The following ERICH6 variants were observed in gnomAD, a reference collection of about 807,000 sequenced individuals.
The protein encoded by ERICH6 is glutamate rich 6.
A neutral mutation model predicts 71.0 loss-of-function variants in ERICH6; 71 were observed. That is an observed-to-expected ratio of 1.00 (90% CI 0.83 to 1.22). The LOEUF (loss-of-function observed/expected upper bound fraction) is 1.22, where lower values mean the gene tolerates loss of function less well. Among genes scored for constraint, ERICH6 ranks in the 50% most tolerant of loss-of-function variants. The pLI is 0.00. For synonymous variants in ERICH6, 262 were observed against 278.4 expected, an observed-to-expected ratio of 0.94 and a Z score of 0.59; for missense variants, 808 against 797.2, an observed-to-expected ratio of 1.01 and a Z score of -0.16.
At chr3:150,675,130 CA>C (rs919995888) in intron 10 of ERICH6, among the ~76,000 whole-genome samples, 3 of 151,472 alleles carry the variant, frequency 2.0e-5, no homozygotes, top group African/African-American at 7.3e-5. Flanking sequence ...AAGACTGTCT[CA>C]AAAAAAATAA....
At chr3:150,690,855 C>T (rs1712405907) in intron 3 of ERICH6, among the ~76,000 whole-genome samples, 1 of 152,148 alleles carries the variant, frequency 6.6e-6, no homozygotes, top group African/African-American at 2.4e-5. Flanking sequence ...ATAGGTAAGA[C>T]ATTGATATTG....
rs1464397892 is a variant in ERICH6, at chr3:150,677,566, G to A, written c.1257+843C>T. Among the ~76,000 whole-genome samples the A allele has an allele frequency of 5.9e-5, 9 of 151,580 alleles. No individual in the cohort carries two copies. In the South Asian group the frequency reaches 1.3e-3, roughly 21 times the overall value. On this transcript the variant is annotated intron_variant, in intron 10 of 13. Coordinates refer to ENST00000295910, the MANE Select transcript of ERICH6 (RefSeq NM_152394.5). Reference sequence around the variant, plus strand: ...GGCTGGAGTGCAGTGGCACAATCTCGGTTCACTGCAACCTCCACCCCCAGG... The same window carrying A: ...GGCTGGAGTGCAGTGGCACAATCTCAGTTCACTGCAACCTCCACCCCCAGG...
chr3:150,672,183 T>C (rs1203335460), intron 11 of ERICH6, among the ~76,000 whole-genome samples: 2 of 151,186 alleles, frequency 1.3e-5, no homozygotes, highest in East Asian at 3.9e-4. Flanking sequence ...TTGCATATCA[T>C]ATATTTATAA....
intron 4 of ERICH6, 39 bp downstream of exon 4, chr3:150,686,259 T>G: frequency 1.2e-6 from 2 of 1,605,576 alleles, no homozygotes; most frequent in Non-Finnish European, 1.7e-6. Context: ...GTAGTTTACC[T>G]TTGCCAGCAA....
intron 6 of ERICH6, among the ~76,000 whole-genome samples, chr3:150,684,901 G>T (rs1198711228): frequency 6.6e-6 from 1 of 151,936 alleles, no homozygotes; most frequent in African/African-American, 2.4e-5. Context: ...AGCTACTTGG[G>T]AGACAGAGGT....
At chr3:150,686,388 A>G in intron 3 of ERICH6, 34 bp from the exon 4 acceptor site, 1 of 1,592,174 alleles carries the variant, frequency 6.3e-7, no homozygotes, top group Non-Finnish European at 8.6e-7. Flanking sequence ...CATCAATCTG[A>G]CAAAGTAGAA....
intron 10 of ERICH6, 36 bp downstream of exon 10, chr3:150,678,373 T>TTAAAA (rs2108054829): frequency 1.3e-6 from 2 of 1,530,368 alleles, no homozygotes; most frequent in East Asian, 4.7e-5. Flanking sequence ...CTGGTTTTTT[T>TTAAAA]TAAAATAGCA....
Position 150,698,833 on chromosome 3 carries a change from C to A in ERICH6, c.511G>T (p.Glu171Ter). The part of the protein sequence containing the change: ...SPGIPVSVQT[E>*]ESWLQDLSDK... ...GACAAATCTTGGAGCCAACTTTCTT[C>A]TGTTTGTACTGATACTGGAATTCCT... Residue 171 changes from glutamate (E) to a stop codon, truncating the protein, a stop_gained, in exon 3 of 14, where the codon GAA becomes TAA. Coordinates refer to ENST00000295910, the MANE Select transcript of ERICH6 (RefSeq NM_152394.5). LOFTEE classifies it high-confidence loss of function. The A allele has an allele frequency of 6.2e-7, 1 of 1,614,012 alleles. No individual in the cohort carries two copies. Among genetic ancestry groups the A allele is most frequent in the Non-Finnish European group, 8.5e-7 (1 of 1,179,978 alleles).
At chr3:150,697,729 TG>T (rs1712705159) in intron 3 of ERICH6, among the ~76,000 whole-genome samples, 1 of 152,254 alleles carries the variant, frequency 6.6e-6, no homozygotes, top group African/African-American at 2.4e-5. Flanking sequence ...GCTCAATCTC[TG>T]GGCTCTTGCC....
intron 13 of ERICH6, among the ~76,000 whole-genome samples, chr3:150,661,071 T>C (rs6773558): frequency 0.42 from 63,497 of 152,068 alleles, 14,137 homozygotes; most frequent in African/African-American, 0.59. Context: ...TTTATCCCCC[T>C]GCCCCCACCT....
chr3:150,680,696 A>C lies in ERICH6; in HGVS notation c.1040+77T>G, dbSNP rs115340134. 9.4e-4 allele frequency: 1,466 copies of C among 1,555,798 alleles called. 11 individuals carry two copies. The African/African-American group carries it at 0.018, about 19-fold the overall frequency. On this transcript the variant is annotated intron_variant, in intron 8 of 13. Transcript: ENST00000295910. ...CATCTTCAAAGTTATATATCTTGAA[A>C]AAATGAGGTTCATTTACAAAACGAG...
intron 1 of ERICH6, among the ~76,000 whole-genome samples, 170 bp from the exon 2 acceptor site, chr3:150,702,348 C>T (rs1484980495): frequency 7.5e-6 from 1 of 133,346 alleles, no homozygotes; most frequent in Non-Finnish European, 1.5e-5. Context: ...GCGATCTTGG[C>T]TCACTGCAAG....
chr3:150,673,892 T>A, intron 11 of ERICH6, 64 bp downstream of exon 11: 1 of 1,525,956 alleles, frequency 6.6e-7, no homozygotes, highest in Non-Finnish European at 9.0e-7. Flanking sequence ...TGTATTTCCT[T>A]CCTTGAGCTT....
At chr3:150,686,185 G>A in intron 4 of ERICH6, 113 bp downstream of exon 4, 1 of 1,325,104 alleles carries the variant, frequency 7.5e-7, no homozygotes, top group East Asian at 2.3e-5. Flanking sequence ...TCTCACACCT[G>A]TTCTTAGGTG....
intron 3 of ERICH6, among the ~76,000 whole-genome samples, chr3:150,692,041 T>C (rs1314720214): frequency 1.3e-5 from 2 of 152,168 alleles, no homozygotes; most frequent in East Asian, 3.8e-4. Flanking sequence ...CAGTTTCTCT[T>C]TAATCATCAA....
chr3:150,682,401 A>G, intron 6 of ERICH6, 85 bp from the exon 7 acceptor site: 1 of 944,942 alleles, frequency 1.1e-6, no homozygotes, highest in South Asian at 1.4e-5. Flanking sequence ...GACCCTGGGC[A>G]TGGTCAGTGA....
intron 13 of ERICH6, among the ~76,000 whole-genome samples, chr3:150,663,917 A>C (rs923350070): frequency 3.9e-5 from 6 of 152,150 alleles, no homozygotes; most frequent in Non-Finnish European, 7.3e-5. Context: ...ATATTTAAGG[A>C]AGTGAGACTC....
chr3:150,673,579 TTTTG>T lies in ERICH6; in HGVS notation c.1343+373_1343+376del, dbSNP rs757547490. On this transcript the variant is annotated intron_variant, in intron 11 of 13. Coordinates refer to ENST00000295910, the MANE Select transcript of ERICH6 (RefSeq NM_152394.5). Reference sequence around the variant, plus strand: ...CACTGGATCTTTATCTTTTTCTGTGTTTTGTTTGTTTGTTTGTTTGTTTTTCTGA... The same window carrying T: ...CACTGGATCTTTATCTTTTTCTGTGTTTTGTTTGTTTGTTTGTTTTTCTGA... Among the ~76,000 whole-genome samples the T allele has an allele frequency of 3.8e-3, 575 of 152,150 alleles. 5 individuals carry two copies. The highest frequency in any genetic ancestry group is 0.013 in the African/African-American group (545 of 41,512).
At chr3:150,665,219 C>G (rs1477075332) in intron 13 of ERICH6, among the ~76,000 whole-genome samples, 1 of 152,098 alleles carries the variant, frequency 6.6e-6, no homozygotes, top group Non-Finnish European at 1.5e-5. Context: ...GACCCTCGCT[C>G]TATGTTGCCT....
Sources: gnomAD v4.1 joint callset for allele counts (sites outside exome capture counted in the v4.1 genomes callset) on GRCh38, gnomAD v4.1.1 for gene constraint, MANE v1.5 for transcripts, NCBI Gene and HGNC (gene_info 2026-07-23, HGNC 2026-07-21) for gene names.